Variants in SORCS1 observed in about 807,000 individuals in gnomAD.
The protein encoded by SORCS1 is sortilin related VPS10 domain containing receptor 1, also known as VPS10 domain-containing receptor SorCS1.
In SORCS1, 60 loss-of-function variants were observed where a neutral mutation model predicts 146.1. That is an observed-to-expected ratio of 0.41 (90% CI 0.33 to 0.51). SORCS1 has a LOEUF of 0.51. Among genes scored for constraint, SORCS1 ranks in the 20% least tolerant of loss-of-function variants. The probability of loss-of-function intolerance (pLI) is 0.21; values close to 1 mark genes in which losing one functional copy is unlikely to be tolerated. For synonymous variants in SORCS1, 637 were observed against 584.0 expected (o/e 1.09, Z -1.31); for missense variants, 1,352 against 1,487.6 (o/e 0.91, Z 1.50).
chr10:106,761,429 C>T lies in SORCS1; in HGVS notation c.959+159G>A, dbSNP rs572650715. On this transcript the variant is annotated intron_variant, in intron 5 of 25. Coordinates refer to ENST00000263054, the MANE Select transcript of SORCS1 (RefSeq NM_052918.5). ...TAACATTCTCTTAAAGTGTTTCTTA[C>T]TCTAATGTCACATCCTGCCCTGAGG... Among the ~76,000 whole-genome samples, 64 of 152,292 alleles carry T rather than the reference C, an allele frequency of 4.2e-4. 1 individual carries two copies. In the South Asian group the frequency reaches 0.012, roughly 28 times the overall value.
chr10:106,849,484 C>A (rs1015911397), intron 2 of SORCS1, among the ~76,000 whole-genome samples: 8 of 144,956 alleles, frequency 5.5e-5, no homozygotes, highest in African/African-American at 1.5e-4. Context: ...GTTATACATT[C>A]TTCTAAATTT....
chr10:107,054,755 A>G (rs1425313706), intron 1 of SORCS1, among the ~76,000 whole-genome samples: 1 of 152,210 alleles, frequency 6.6e-6, no homozygotes, highest in African/African-American at 2.4e-5. Flanking sequence ...GCCAACAACC[A>G]GAGTTGTCTA....
At chr10:106,978,205 A>AC (rs1268151020) in intron 1 of SORCS1, among the ~76,000 whole-genome samples, 2 of 151,994 alleles carry the variant, frequency 1.3e-5, no homozygotes, top group Non-Finnish European at 2.9e-5. Context: ...TCGGCCTCCC[A>AC]CAGTGCTGCA....
chr10:106,859,834 G>A (rs1424507695), intron 2 of SORCS1, among the ~76,000 whole-genome samples: 4 of 152,084 alleles, frequency 2.6e-5, no homozygotes, highest in South Asian at 2.1e-4. Context: ...GTTTGATCTC[G>A]CTTACCAGAT....
intron 2 of SORCS1, among the ~76,000 whole-genome samples, chr10:106,954,343 G>A (rs1414951043): frequency 6.6e-6 from 1 of 152,172 alleles, no homozygotes; most frequent in East Asian, 1.9e-4. Flanking sequence ...GAAGTATGAA[G>A]TTGCTCAGAG....
At chr10:106,716,790 G>A (rs12782841) in intron 6 of SORCS1, among the ~76,000 whole-genome samples, 12,627 of 152,172 alleles carry the variant, frequency 0.083, 716 homozygotes, top group Middle Eastern at 0.13. Flanking sequence ...CCTTTCCTCG[G>A]GGTCAGGAAC....
At chr10:106,656,507 G>A (rs375501377) in intron 17 of SORCS1, among the ~76,000 whole-genome samples, 39 of 152,182 alleles carry the variant, frequency 2.6e-4, no homozygotes, top group African/African-American at 9.4e-4. Context: ...AGTGAGCTGA[G>A]ATTGCACCAC....
intron 2 of SORCS1, among the ~76,000 whole-genome samples, chr10:106,927,846 C>G (rs1393613734): frequency 6.6e-6 from 1 of 151,696 alleles, no homozygotes; most frequent in Non-Finnish European, 1.5e-5. Flanking sequence ...CACAGAGTGC[C>G]GATTGGTGTC....
intron 2 of SORCS1, among the ~76,000 whole-genome samples, chr10:106,847,843 C>A (rs1321046846): frequency 6.8e-6 from 1 of 146,718 alleles, no homozygotes; most frequent in Non-Finnish European, 1.5e-5. Flanking sequence ...TCGTTATGTA[C>A]CCAGTAGTCA....
intron 22 of SORCS1, among the ~76,000 whole-genome samples, chr10:106,609,083 C>T (rs1277003993): frequency 6.6e-6 from 1 of 152,174 alleles, no homozygotes; most frequent in Non-Finnish European, 1.5e-5. Context: ...AAGATGGTGG[C>T]TGTAGGAAGA....
Position 106,706,700 on chromosome 10 carries a change from TCACCTGAATGGAAGGAGGAAGCTTC to T in SORCS1, c.1144-91_1144-67del, listed in dbSNP as rs1854560229. ...GTAACAGGCACAGGTCACAGAACAG[TCACCTGAATGGAAGGAGGAAGCTTC>T]CAACACAACAAATGGCATTAATGTC... On this transcript the variant is annotated intron_variant, in intron 7 of 25. Transcript: ENST00000263054. 9.7e-6 allele frequency: 14 copies of T among 1,443,704 alleles called. No individual in the cohort carries two copies. The Admixed American group carries it at 2.4e-4, about 25-fold the overall frequency. The allele number at this position is 1,443,704 out of a possible 1,614,324, so 89.4% of individuals were successfully genotyped here.
intron 1 of SORCS1, among the ~76,000 whole-genome samples, chr10:107,092,758 G>T (rs974110869): frequency 6.6e-6 from 1 of 151,950 alleles, no homozygotes; most frequent in Non-Finnish European, 1.5e-5. Context: ...GGAAAACCAA[G>T]TGCAGGACTT....
chr10:106,706,503 T>G, intron 8 of SORCS1, 42 bp downstream of exon 8: 12 of 1,585,246 alleles, frequency 7.6e-6, no homozygotes, highest in Non-Finnish European at 1.0e-5. Flanking sequence ...CTTCTGTGAA[T>G]GAGAGTCAAG....
intron 1 of SORCS1, among the ~76,000 whole-genome samples, chr10:107,004,342 C>T (rs1957352173): frequency 6.6e-6 from 1 of 152,116 alleles, no homozygotes; most frequent in African/African-American, 2.4e-5. Flanking sequence ...TGAAGACATA[C>T]CCAAGACTGG....
intron 1 of SORCS1, among the ~76,000 whole-genome samples, chr10:107,118,169 T>A (rs1966159264): frequency 6.7e-6 from 1 of 150,272 alleles, no homozygotes; most frequent in Non-Finnish European, 1.5e-5. Flanking sequence ...TGAAAGAGAC[T>A]CTATAAATAA....
intron 21 of SORCS1, among the ~76,000 whole-genome samples, chr10:106,614,278 C>T (rs1009938668): frequency 3.9e-5 from 6 of 151,970 alleles, no homozygotes; most frequent in Non-Finnish European, 5.9e-5. Flanking sequence ...TTAAGCATGC[C>T]CTTTTGTTTC....
At chr10:106,657,587 T>C (rs1850394408) in intron 17 of SORCS1, among the ~76,000 whole-genome samples, 1 of 151,482 alleles carries the variant, frequency 6.6e-6, no homozygotes, top group South Asian at 2.1e-4. Context: ...CGAAGACCAC[T>C]TGTACTCCAA....
rs1855018576 is a variant in SORCS1 at position 106,711,894 on chromosome 10, GA to G, written c.1025-2554del. ...CCAGACTGTTTTACAGCTTTTAAGT[GA>G]CTTCTGTTTTCCAAAATGTAGCTTG... On this transcript the variant is annotated intron_variant, in intron 6 of 25. Transcript: ENST00000263054. Among the ~76,000 whole-genome samples, 4 of 152,120 alleles carry G rather than the reference GA, an allele frequency of 2.6e-5. No homozygotes were observed. The South Asian group carries it at 8.3e-4, about 32-fold the overall frequency.
rs190832506 is a variant in SORCS1 at position 106,832,654 on chromosome 10, G to A, written c.627-2981C>T. On this transcript the variant is annotated intron_variant, in intron 2 of 25. Coordinates refer to ENST00000263054, the MANE Select transcript of SORCS1 (RefSeq NM_052918.5). ...TTCTGAACAATACTCACAAGTTCCA[G>A]AACAAAAAAACCAGATGCAAAATCT... Among the ~76,000 whole-genome samples the A allele has an allele frequency of 2.6e-3, 395 of 152,078 alleles. 2 individuals carry two copies. The highest frequency in any genetic ancestry group is 9.3e-3 in the African/African-American group (385 of 41,468).
Sources: allele counts gnomAD v4.1 joint callset (sites outside exome capture counted in the v4.1 genomes callset), GRCh38; gene constraint gnomAD v4.1.1; transcripts MANE v1.5; gene names NCBI Gene and HGNC (gene_info 2026-07-23, HGNC 2026-07-21).